Variants in GSTCD observed in about 807,000 individuals in gnomAD.
The protein encoded by GSTCD is glutathione S-transferase C-terminal domain-containing protein.
In GSTCD, 44 loss-of-function variants were observed where a neutral mutation model predicts 68.3. That is an observed-to-expected ratio of 0.64 (90% CI 0.51 to 0.83). The LOEUF is 0.83. Ranked by LOEUF, GSTCD falls within the 40% of genes least tolerant of loss-of-function variation. GSTCD has a pLI of 0.00. For synonymous variants in GSTCD, 273 were observed against 255.2 expected, an observed-to-expected ratio of 1.07 and a Z score of -0.67; for missense variants, 739 against 735.9, an observed-to-expected ratio of 1.00 and a Z score of -0.05.
intron 9 of GSTCD, among the ~76,000 whole-genome samples, chr4:105,835,265 C>G (rs1049861601): frequency 1.3e-5 from 2 of 152,216 alleles, no homozygotes; most frequent in Non-Finnish European, 2.9e-5. Context: ...ACTCCACTCA[C>G]TCAGCCTGGC....
chr4:105,845,713 G>A lies in GSTCD; in HGVS notation c.*136G>A. On this transcript the variant is annotated 3_prime_UTR_variant, in exon 12 of 12. Transcript: ENST00000515279. ...ATTGTGCTCAGGAAGGAAAGCAACA[G>A]GGAAATCTTGGAAGTAAAGGCTCCC... 1 of 846,846 alleles carries A rather than the reference G, an allele frequency of 1.2e-6. No homozygotes were observed. The allele number at this position is 846,846 out of a possible 1,614,324, so 52.5% of individuals were successfully genotyped here.
At chr4:105,828,919 T>A (rs1231334338) in intron 8 of GSTCD, among the ~76,000 whole-genome samples, 1 of 152,116 alleles carries the variant, frequency 6.6e-6, no homozygotes, top group Non-Finnish European at 1.5e-5. Context: ...GACAGGAAGT[T>A]TATTCTGTAG....
At chr4:105,798,579 AAAC>A (rs75497439) in intron 5 of GSTCD, among the ~76,000 whole-genome samples, 1 of 152,204 alleles carries the variant, frequency 6.6e-6, no homozygotes, top group African/African-American at 2.4e-5. Context: ...GCAGACATAA[AAAC>A]AACATTAATT....
At chr4:105,798,130 A>C (rs951753383) in intron 5 of GSTCD, among the ~76,000 whole-genome samples, 6 of 152,170 alleles carry the variant, frequency 3.9e-5, no homozygotes, top group Non-Finnish European at 7.4e-5. Context: ...TTCCATCTCA[A>C]GAAACCACTT....
chr4:105,777,230 T>C (rs547173113), intron 5 of GSTCD, among the ~76,000 whole-genome samples: 2 of 152,316 alleles, frequency 1.3e-5, no homozygotes, highest in East Asian at 3.9e-4. Context: ...TTTATGCATA[T>C]CACACTAGTA....
intron 5 of GSTCD, among the ~76,000 whole-genome samples, chr4:105,815,906 G>C (rs965956138): frequency 2.0e-5 from 3 of 152,136 alleles, no homozygotes; most frequent in East Asian, 1.9e-4. Context: ...TGCCAGAGCA[G>C]AGTAATGTTT....
intron 5 of GSTCD, among the ~76,000 whole-genome samples, chr4:105,803,579 G>A (rs1265684805): frequency 6.6e-6 from 1 of 151,826 alleles, no homozygotes; most frequent in African/African-American, 2.4e-5. Context: ...AAATTTCAAA[G>A]TTGTAAAAAA....
intron 4 of GSTCD, 33 bp from the exon 5 acceptor site, chr4:105,729,373 C>A: frequency 7.3e-7 from 1 of 1,365,266 alleles, no homozygotes; most frequent in Non-Finnish European, 1.0e-6. Flanking sequence ...ATATTAATTC[C>A]TTAATTTAGA....
At chr4:105,831,220 G>A (rs909756188) in intron 8 of GSTCD, among the ~76,000 whole-genome samples, 3 of 152,200 alleles carry the variant, frequency 2.0e-5, no homozygotes, top group African/African-American at 7.2e-5. Flanking sequence ...TCTGTCTAAG[G>A]TATCTAGAGT....
At chr4:105,769,977 C>T (rs1734779231) in intron 5 of GSTCD, among the ~76,000 whole-genome samples, 1 of 152,002 alleles carries the variant, frequency 6.6e-6, no homozygotes, top group Non-Finnish European at 1.5e-5. Flanking sequence ...AGGCTGGTCT[C>T]CCAATTCCTG....
intron 5 of GSTCD, among the ~76,000 whole-genome samples, chr4:105,780,953 T>C (rs1211566507): frequency 1.3e-5 from 2 of 152,092 alleles, no homozygotes; most frequent in Non-Finnish European, 2.9e-5. Context: ...AAAACTCAAG[T>C]TTTCAAGCAG....
At chr4:105,845,039 A>G (rs1724493381) in intron 11 of GSTCD, among the ~76,000 whole-genome samples, 2 of 152,226 alleles carry the variant, frequency 1.3e-5, no homozygotes, top group Non-Finnish European at 1.5e-5. Context: ...CCACTTAATC[A>G]GCATGTTATT....
intron 5 of GSTCD, among the ~76,000 whole-genome samples, chr4:105,819,890 A>AC (rs1032642425): frequency 7.2e-5 from 11 of 151,736 alleles, no homozygotes; most frequent in Non-Finnish European, 7.4e-5. Flanking sequence ...TTAAAAAAAA[A>AC]ACACACAGAA....
chr4:105,758,931 A>C (rs1375232722), intron 5 of GSTCD, among the ~76,000 whole-genome samples: 1 of 152,156 alleles, frequency 6.6e-6, no homozygotes, highest in East Asian at 1.9e-4. Context: ...AGATATTTGC[A>C]GGTATTTGGT....
chr4:105,805,941 A>G (rs1722473063), intron 5 of GSTCD, among the ~76,000 whole-genome samples: 1 of 152,038 alleles, frequency 6.6e-6, no homozygotes, highest in Non-Finnish European at 1.5e-5. Flanking sequence ...CATTGAATCC[A>G]GTTTGCATCA....
Position 105,799,686 on chromosome 4 carries a change from G to C in GSTCD, c.1241-23268G>C, listed in dbSNP as rs1392587303. On this transcript the variant is annotated intron_variant, in intron 5 of 11. Coordinates refer to ENST00000515279, the MANE Select transcript of GSTCD (RefSeq NM_001370181.1). ...GTAACAACAAAGATCACTTATCACAGATCTCCATAACAGATATAATAATGA... is the reference window on the plus strand; with the variant it reads ...GTAACAACAAAGATCACTTATCACACATCTCCATAACAGATATAATAATGA... Among the ~76,000 whole-genome samples the C allele has an allele frequency of 2.0e-5, 3 of 151,898 alleles. No individual in the cohort carries two copies. The East Asian group carries it at 5.8e-4, about 29-fold the overall frequency.
At chr4:105,752,708 G>T (rs1734048218) in intron 5 of GSTCD, among the ~76,000 whole-genome samples, 1 of 151,902 alleles carries the variant, frequency 6.6e-6, no homozygotes, top group Non-Finnish European at 1.5e-5. Flanking sequence ...AATTACCATG[G>T]TTTATTTTAG....
intron 5 of GSTCD, among the ~76,000 whole-genome samples, chr4:105,739,813 G>A (rs1034920682): frequency 2.0e-5 from 3 of 152,170 alleles, no homozygotes; most frequent in African/African-American, 7.2e-5. Flanking sequence ...TAGAGGCAGT[G>A]TGCAGCTTCG....
chr4:105,826,254 T>TTTCTC (rs1723600481), intron 8 of GSTCD: 3 of 152,186 alleles, frequency 2.0e-5, no homozygotes, highest in Non-Finnish European at 4.4e-5. Context: ...TATTTTCAGG[T>TTTCTC]TCCAAGAGAG....
Sources: allele counts gnomAD v4.1 joint callset (sites outside exome capture counted in the v4.1 genomes callset), GRCh38; gene constraint gnomAD v4.1.1; transcripts MANE v1.5; gene names NCBI Gene and HGNC (gene_info 2026-07-23, HGNC 2026-07-21).